DHX37: variants seen among roughly 807,000 people sequenced by gnomAD.
DHX37 encodes DEAH-box helicase 37, also known as probable ATP-dependent RNA helicase DHX37.
Under a neutral mutation model 134.3 loss-of-function variants are expected in DHX37, and 52 were observed. The observed-to-expected ratio is 0.39, with a 90% CI of 0.31 to 0.49. The LOEUF is 0.49. DHX37 is among the 20% of genes least tolerant of loss of function. DHX37 has a pLI of 0.93. For synonymous variants in DHX37, 634 were observed against 670.7 expected, an observed-to-expected ratio of 0.95 and a Z score of 0.85; for missense variants, 1,344 against 1,580.8, an observed-to-expected ratio of 0.85 and a Z score of 2.54.
rs777198968 is a variant in DHX37, at chr12:124,965,650, T to A, written c.1735+18A>T. 4 of 1,587,878 alleles carry A rather than the reference T, an allele frequency of 2.5e-6. No individual in the cohort carries two copies. The highest frequency in any genetic ancestry group is 2.3e-5 in the East Asian group (1 of 44,246). On this transcript the variant is annotated intron_variant, in intron 13 of 26. Transcript: ENST00000308736. The stretch of plus-strand genomic sequence containing the variant: ...CAGAGATAATGAACATGAGCAGGAA[T>A]CGGTGCTCGGGCCACACCTCCATCT...
At chr12:124,966,394 C>T (rs1196913113) in intron 12 of DHX37, among the ~76,000 whole-genome samples, 4 of 152,142 alleles carry the variant, frequency 2.6e-5, no homozygotes, top group Non-Finnish European at 5.9e-5. Flanking sequence ...GACAGAGTCT[C>T]ACTCTGTTGC....
intron 4 of DHX37, among the ~76,000 whole-genome samples, chr12:124,978,009 T>C (rs1258870309): frequency 6.6e-6 from 1 of 152,164 alleles, no homozygotes; most frequent in African/African-American, 2.4e-5. Flanking sequence ...CACCCTAAGG[T>C]GTATGCAATG....
At chr12:124,974,706 G>C (rs1048315338) in intron 6 of DHX37, among the ~76,000 whole-genome samples, 4 of 151,892 alleles carry the variant, frequency 2.6e-5, no homozygotes, top group African/African-American at 9.7e-5. Flanking sequence ...CCCAGCCATT[G>C]TAAAGCAAGT....
chr12:124,985,813 A>G (rs1012641043), intron 2 of DHX37, among the ~76,000 whole-genome samples: 2 of 151,328 alleles, frequency 1.3e-5, no homozygotes, highest in African/African-American at 4.8e-5. Context: ...AAGAAAAAAA[A>G]ATTAAATTTA....
At chr12:124,961,271 C>T (rs530125762) in intron 15 of DHX37, among the ~76,000 whole-genome samples, 6 of 101,638 alleles carry the variant, frequency 5.9e-5, no homozygotes, top group South Asian at 2.9e-4. Flanking sequence ...CACATACACG[C>T]GTGCACGCAC....
At position 124,966,781 on chromosome 12, in the gene DHX37, C is replaced by A. The variant is rs201641734; in HGVS notation, c.1590+12G>T. ...CTTACTCTCCAGGAGTCCCTGCCAG[C>A]CCCCCACGTACCTCAGCCCGCGCCT... On this transcript the variant is annotated intron_variant, in intron 12 of 26. Transcript: ENST00000308736. 1.4e-5 allele frequency: 23 copies of A among 1,613,898 alleles called. No individual in the cohort carries two copies. Among genetic ancestry groups the A allele is most frequent in the East Asian group, 2.2e-5 (1 of 44,900 alleles).
intron 8 of DHX37, among the ~76,000 whole-genome samples, chr12:124,970,829 G>A (rs1481510929): frequency 2.0e-5 from 3 of 150,772 alleles, no homozygotes; most frequent in African/African-American, 7.3e-5. Flanking sequence ...ATGAAGCCGC[G>A]CCCCAGGGTG....
At chr12:124,982,766 G>C (rs1780414305) in intron 2 of DHX37, 143 bp from the exon 3 acceptor site, 1 of 1,173,534 alleles carries the variant, frequency 8.5e-7, no homozygotes, top group Admixed American at 2.6e-5. Flanking sequence ...ACTGGTGCAT[G>C]GTGTTCTTCC....
At chr12:124,962,574 G>T (rs1383156600) in intron 15 of DHX37, among the ~76,000 whole-genome samples, 1 of 152,012 alleles carries the variant, frequency 6.6e-6, no homozygotes, top group Non-Finnish European at 1.5e-5. Flanking sequence ...GAGAATTGCT[G>T]GAATCCTGGA....
At chr12:124,966,539 T>A (rs1299843977) in intron 12 of DHX37, among the ~76,000 whole-genome samples, 1 of 152,128 alleles carries the variant, frequency 6.6e-6, no homozygotes, top group Non-Finnish European at 1.5e-5. Flanking sequence ...ATCTAAAAAA[T>A]TTTTTGTAGA....
chr12:124,975,411 G>A lies in DHX37; in HGVS notation c.980+8C>T, dbSNP rs775703045. The A allele has an allele frequency of 1.2e-6, 2 of 1,612,556 alleles. No individual in the cohort carries two copies. The highest frequency in any genetic ancestry group is 4.5e-5 in the East Asian group (2 of 44,868). Reference sequence around the variant, plus strand: ...CCATAGTCCGCCCCAGGGAAGTAGAGCCCTCACCGCTGGGACAGATTCATC... The same window carrying A: ...CCATAGTCCGCCCCAGGGAAGTAGAACCCTCACCGCTGGGACAGATTCATC... On this transcript the variant is annotated splice_region_variant and intron_variant, in intron 6 of 26. Coordinates refer to ENST00000308736, the MANE Select transcript of DHX37 (RefSeq NM_032656.4).
At chr12:124,981,981 G>C (rs1423061930) in intron 3 of DHX37, among the ~76,000 whole-genome samples, 1 of 151,816 alleles carries the variant, frequency 6.6e-6, no homozygotes, top group East Asian at 1.9e-4. Context: ...AAATTAGCCG[G>C]GCTTGGTGGT....
rs77441495 is a variant in DHX37 at position 124,952,613 on chromosome 12, G to A, written c.2696-43C>T. ...AGTGAGGTCGGTGGTGGCAAGGCCC[G>A]GAGCCAGCTCTGCCCTGACCTCCTA... On this transcript the variant is annotated intron_variant, in intron 20 of 26. Coordinates refer to ENST00000308736, the MANE Select transcript of DHX37 (RefSeq NM_032656.4). The A allele has an allele frequency of 6.7e-3, 10,263 of 1,530,844 alleles. 623 individuals carry two copies. The African/African-American group carries it at 0.12, about 19-fold the overall frequency. The allele number at this position is 1,530,844 out of a possible 1,614,324, so 94.8% of individuals were successfully genotyped here.
chr12:124,970,778 A>G lies in DHX37; in HGVS notation c.1191+524T>C, dbSNP rs1188956873. Among the ~76,000 whole-genome samples the G allele has an allele frequency of 4.6e-5, 7 of 152,224 alleles. 1 individual carries two copies. Among genetic ancestry groups the G allele is most frequent in the Admixed American group, 4.6e-4 (7 of 15,286 alleles). On this transcript the variant is annotated intron_variant, in intron 8 of 26. Transcript: ENST00000308736. ...CAGGCTCATGGCACATGTGGAGCGC[A>G]GGCCCCTCTCCCCGCCGGGAGGGTG...
At chr12:124,963,438 T>C (rs1954309346) in intron 15 of DHX37, among the ~76,000 whole-genome samples, 1 of 152,184 alleles carries the variant, frequency 6.6e-6, no homozygotes, top group Non-Finnish European at 1.5e-5. Flanking sequence ...GTGGTGATGG[T>C]TGCACAACTC....
Position 124,950,695 on chromosome 12 carries a change from A to G in DHX37, c.2978T>C (p.Met993Thr). The change falls in exon 22 of 27, where the codon ATG becomes ACG. Residue 993 changes from methionine to threonine, a missense_variant. By Grantham distance (81) the Met-to-Thr change is moderately conservative (BLOSUM62 -1). Transcript: ENST00000308736. ...CTGTCCGCAGGCCTCGGCACCTTTC[A>G]TGTACATCTTAGTGGTCTCCACGAT... ...QEIVETTKMY[M>T]KGVSSVEVQW... 3 of 1,612,672 alleles carry G rather than the reference A, an allele frequency of 1.9e-6. No homozygotes were observed. Among genetic ancestry groups the G allele is most frequent in the Non-Finnish European group, 2.5e-6 (3 of 1,179,540 alleles).
chr12:124,987,962 C>T (rs1406922952), intron 1 of DHX37, among the ~76,000 whole-genome samples: 1 of 150,750 alleles, frequency 6.6e-6, no homozygotes, highest in Non-Finnish European at 1.5e-5. Context: ...GGGGATCTGC[C>T]TCAACTCCCA....
In DHX37 at chr12:124,949,183, T is replaced by C. The variant is rs912685758; in HGVS notation, c.3290+803A>G. 1.3e-5 allele frequency among the ~76,000 whole-genome samples: 2 copies of C among 152,090 alleles called. No individual in the cohort carries two copies. The highest frequency in any genetic ancestry group is 4.8e-5 in the African/African-American group (2 of 41,408). ...TGTATCCCAGCCCCGAGAACATGCC[T>C]GGGACAGGGCCACACTGGAAAACGT... is the stretch of plus-strand genomic sequence containing the variant. On this transcript the variant is annotated intron_variant, in intron 25 of 26. Transcript: ENST00000308736. The surrounding 1 kb of genome is among the most constrained non-coding windows in gnomAD (Gnocchi z 4.0).
intron 8 of DHX37, among the ~76,000 whole-genome samples, chr12:124,970,249 C>T (rs980201197): frequency 2.0e-5 from 3 of 152,238 alleles, no homozygotes; most frequent in Non-Finnish European, 2.9e-5. Flanking sequence ...GCTGGGATTA[C>T]AGGCGTGAGC....
Sources: allele counts gnomAD v4.1 joint callset (sites outside exome capture counted in the v4.1 genomes callset), GRCh38; gene constraint gnomAD v4.1.1; non-coding constraint Gnocchi (gnomAD v3.1); transcripts MANE v1.5; gene names NCBI Gene and HGNC (gene_info 2026-07-23, HGNC 2026-07-21).